Variants in TDRD5 observed in about 807,000 individuals in gnomAD.
TDRD5 encodes the protein tudor domain containing 5, also known as tudor domain-containing protein 5.
A neutral mutation model predicts 120.6 loss-of-function variants in TDRD5; 41 were observed. The observed-to-expected ratio is 0.34, with a 90% confidence interval of 0.26 to 0.44. The LOEUF (loss-of-function observed/expected upper bound fraction) is 0.44, where lower values mean the gene tolerates loss of function less well. Among genes scored for constraint, TDRD5 ranks in the 20% least tolerant of loss-of-function variants. TDRD5 has a pLI of 1.00. For synonymous variants in TDRD5, 430 were observed against 433.7 expected (o/e 0.99, Z 0.11); for missense variants, 1,006 against 1,221.2 (o/e 0.82, Z 2.63).
At chr1:179,608,303 T>C (rs1180574403) in intron 4 of TDRD5, among the ~76,000 whole-genome samples, 2 of 151,948 alleles carry the variant, frequency 1.3e-5, no homozygotes, top group African/African-American at 4.8e-5. Context: ...GAGCTTCTTA[T>C]ATCATTGAGC....
At chr1:179,593,044 C>G (rs1675201653) in intron 2 of TDRD5, among the ~76,000 whole-genome samples, 197 bp downstream of exon 2, 1 of 152,192 alleles carries the variant, frequency 6.6e-6, no homozygotes, top group Non-Finnish European at 1.5e-5. Context: ...TTCCCCCAAA[C>G]AATCGTGCAC....
At chr1:179,657,954 ACTC>A (rs1163057295) in intron 14 of TDRD5, among the ~76,000 whole-genome samples, 2 of 151,856 alleles carry the variant, frequency 1.3e-5, no homozygotes, top group South Asian at 4.1e-4. Flanking sequence ...TCTTGAACTT[ACTC>A]CTCCTGTCTA....
intron 4 of TDRD5, among the ~76,000 whole-genome samples, chr1:179,612,977 T>G (rs1183497000): frequency 5.3e-5 from 8 of 151,474 alleles, no homozygotes; most frequent in Non-Finnish European, 1.5e-5. Context: ...TTCTACCTAT[T>G]CCCTGCCCCC....
At chr1:179,661,802 A>G (rs569130191) in intron 14 of TDRD5, among the ~76,000 whole-genome samples, 2 of 151,970 alleles carry the variant, frequency 1.3e-5, no homozygotes, top group Admixed American at 6.6e-5. Flanking sequence ...TTGCTTCTCA[A>G]TTTTTTCACT....
chr1:179,661,794 G>A (rs1679326027), intron 14 of TDRD5, among the ~76,000 whole-genome samples: 1 of 152,122 alleles, frequency 6.6e-6, no homozygotes, highest in Non-Finnish European at 1.5e-5. Flanking sequence ...GATTTGGGTT[G>A]CTTCTCAATT....
At chr1:179,636,322 T>C (rs1677763012) in intron 9 of TDRD5, among the ~76,000 whole-genome samples, 1 of 152,216 alleles carries the variant, frequency 6.6e-6, no homozygotes, top group South Asian at 2.1e-4. Context: ...TCTTTTTTGA[T>C]AGTATGCTAA....
chr1:179,591,721 A>G (rs1156891176), upstream of TDRD5: 1 of 152,232 alleles, frequency 6.6e-6, no homozygotes, highest in Non-Finnish European at 1.5e-5. Context: ...CGGACCTCAC[A>G]CCTGACCCCG....
chr1:179,645,076 C>CT lies in TDRD5; in HGVS notation c.1800+4658dup, dbSNP rs71569261. 4.1e-3 allele frequency among the ~76,000 whole-genome samples: 411 copies of CT among 99,492 alleles called. 37 individuals are homozygous for CT. Among genetic ancestry groups the CT allele is most frequent in the African/African-American group, 8.2e-3 (202 of 24,576 alleles). 65.3% of individuals were successfully genotyped at this position (99,492 alleles called of 152,430 possible). On this transcript the variant is annotated intron_variant, in intron 11 of 17. Coordinates refer to ENST00000444136, the MANE Select transcript of TDRD5 (RefSeq NM_001199085.3). ...AGTTTCTCAGTTTATAAACATTTTT[C>CT]TTTTTTTTTTTTTTTTTTTTTTTTT...
chr1:179,592,800 ATGT>A lies in TDRD5; in HGVS notation c.190_192del (p.Val64del), dbSNP rs751424120. On this transcript the variant is annotated inframe_deletion, in exon 2 of 18. Coordinates refer to ENST00000444136, the MANE Select transcript of TDRD5 (RefSeq NM_001199085.3). ...ATGGAGCTGGTATTGGACATGCCTG[ATGT>A]TGTTCGTGTCTGCCCCGGTGCAGGT... is the stretch of plus-strand genomic sequence containing the variant. 14 of 1,614,030 alleles carry A rather than the reference ATGT, an allele frequency of 8.7e-6. No homozygotes were observed. The East Asian group carries it at 1.8e-4, about 21-fold the overall frequency.
intron 16 of TDRD5, 144 bp from the exon 17 acceptor site, chr1:179,669,050 A>C: frequency 1.2e-6 from 1 of 824,718 alleles, no homozygotes. Flanking sequence ...GGCTGAGAGT[A>C]TCTAGGTTCT....
chr1:179,686,447 G>A (rs1263914874), intron 17 of TDRD5, among the ~76,000 whole-genome samples: 1 of 152,218 alleles, frequency 6.6e-6, no homozygotes, highest in East Asian at 1.9e-4. Flanking sequence ...TGGTTTGCCA[G>A]TATTTTATTG....
At chr1:179,654,106 C>T (rs1678864002) in intron 13 of TDRD5, 95 bp from the exon 14 acceptor site, 2 of 1,025,688 alleles carry the variant, frequency 1.9e-6, no homozygotes, top group East Asian at 5.4e-5. Flanking sequence ...TTGTGTGAAC[C>T]ATAGCAAAAA....
intron 11 of TDRD5, among the ~76,000 whole-genome samples, chr1:179,649,860 T>G (rs923923000): frequency 6.6e-6 from 1 of 152,232 alleles, no homozygotes; most frequent in African/African-American, 2.4e-5. Flanking sequence ...AGAGAGGATT[T>G]ACATGTGCTT....
intron 17 of TDRD5, among the ~76,000 whole-genome samples, chr1:179,676,251 T>G (rs1217167574): frequency 6.6e-6 from 1 of 152,224 alleles, no homozygotes; most frequent in African/African-American, 2.4e-5. Flanking sequence ...TCCTTATGTG[T>G]TAGGCAAGTC....
At chr1:179,605,051 C>T (rs1675901207) in intron 4 of TDRD5, among the ~76,000 whole-genome samples, 1 of 152,118 alleles carries the variant, frequency 6.6e-6, no homozygotes, top group East Asian at 1.9e-4. Flanking sequence ...AATTTGGGAG[C>T]TCCAGTGTTA....
At chr1:179,625,831 T>C (rs867395472) in intron 6 of TDRD5, among the ~76,000 whole-genome samples, 17 of 152,178 alleles carry the variant, frequency 1.1e-4, no homozygotes, top group African/African-American at 4.1e-4. Context: ...CCAACAATGA[T>C]AGACTGGATT....
intron 4 of TDRD5, among the ~76,000 whole-genome samples, chr1:179,608,949 A>G (rs117750079): frequency 1.3e-5 from 2 of 152,078 alleles, no homozygotes; most frequent in African/African-American, 4.8e-5. Flanking sequence ...CCCTATATTT[A>G]TATATTTAAG....
At chr1:179,614,322 A>G (rs1673105328) in intron 4 of TDRD5, among the ~76,000 whole-genome samples, 1 of 152,186 alleles carries the variant, frequency 6.6e-6, no homozygotes, top group Non-Finnish European at 1.5e-5. Flanking sequence ...ATGTGCCATG[A>G]TTTTAAATGA....
At chr1:179,637,723 A>AG (rs140750884) in intron 9 of TDRD5, among the ~76,000 whole-genome samples, 51,635 of 151,100 alleles carry the variant, frequency 0.34, 9,015 homozygotes, top group Admixed American at 0.42. Flanking sequence ...TGGGGGAAAA[A>AG]AAAAAAATAC....
Sources: gnomAD v4.1 joint callset for allele counts (sites outside exome capture counted in the v4.1 genomes callset) on GRCh38, gnomAD v4.1.1 for gene constraint, MANE v1.5 for transcripts, NCBI Gene and HGNC (gene_info 2026-07-23, HGNC 2026-07-21) for gene names.